Variants in KLB observed in about 807,000 individuals in gnomAD.
The protein encoded by KLB is klotho beta.
In KLB, 44 loss-of-function variants were observed where a neutral mutation model predicts 88.4. The observed-to-expected ratio is 0.50, with a 90% CI of 0.39 to 0.64. The LOEUF is 0.64. Ranked by LOEUF, KLB falls within the 30% of genes least tolerant of loss-of-function variation. The probability of loss-of-function intolerance (pLI) is 0.00; values close to 1 mark genes in which losing one functional copy is unlikely to be tolerated. For synonymous variants in KLB, 548 were observed against 513.4 expected (o/e 1.07, Z -0.91); for missense variants, 1,137 against 1,304.8 (o/e 0.87, Z 1.98).
intron 3 of KLB, among the ~76,000 whole-genome samples, chr4:39,444,540 G>T (rs1385795845): frequency 6.6e-6 from 1 of 152,178 alleles, no homozygotes; most frequent in African/African-American, 2.4e-5. Context: ...GGGAGCTGGG[G>T]TTGGGATTGG....
chr4:39,412,074 G>A (rs188099501), intron 1 of KLB: 68 of 152,016 alleles, frequency 4.5e-4, no homozygotes, highest in African/African-American at 1.6e-3. Flanking sequence ...GGGAAGCTGG[G>A]AGAGGAGTAA....
chr4:39,440,643 C>T (rs142924727), intron 3 of KLB, among the ~76,000 whole-genome samples: 111 of 151,820 alleles, frequency 7.3e-4, no homozygotes, highest in African/African-American at 2.5e-3. Flanking sequence ...CTGCAACCTC[C>T]GCCTCCCGTG....
chr4:39,446,558 ACCTGTCCGC>A lies in KLB; in HGVS notation c.1833_1841del (p.Asn611_Ala614delinsLys). 1 of 1,614,126 alleles carries A rather than the reference ACCTGTCCGC, an allele frequency of 6.2e-7. No individual in the cohort carries two copies. Among genetic ancestry groups the A allele is most frequent in the Non-Finnish European group, 8.5e-7 (1 of 1,180,012 alleles). ...TGGGCCTCGGTCCTTCCCACTGGCA[ACCTGTCCGC>A]GGTGAACCGACAGGCCCTGAGGTAC... is the stretch of plus-strand genomic sequence containing the variant. On this transcript the variant is annotated inframe_deletion, in exon 4 of 5. Coordinates refer to ENST00000257408, the MANE Select transcript of KLB (RefSeq NM_175737.4). The surrounding 1 kb of genome is among the most constrained non-coding windows in gnomAD (Gnocchi z 6.4).
chr4:39,434,112 C>T lies in KLB; in HGVS notation c.826-98C>T, dbSNP rs56155484. The T allele has an allele frequency of 1.4e-3, 1,571 of 1,143,220 alleles. 7 individuals carry two copies. The African/African-American group carries it at 0.014, about 10-fold the overall frequency. The allele number at this position is 1,143,220 out of a possible 1,614,324, so 70.8% of individuals were successfully genotyped here. A position where few individuals can be genotyped will look rare whatever the true frequency, so the allele number is the denominator to read the frequency against. Reference sequence around the variant, plus strand: ...GGCAGCTTTCCCCTGAATCACTGTACGCTGCATTAATTTTATCCATGAAAA... The same window carrying T: ...GGCAGCTTTCCCCTGAATCACTGTATGCTGCATTAATTTTATCCATGAAAA... On this transcript the variant is annotated intron_variant, in intron 1 of 4. Transcript: ENST00000257408.
At chr4:39,439,541 T>C (rs2687962) in intron 3 of KLB, among the ~76,000 whole-genome samples, 126,885 of 151,892 alleles carry the variant, frequency 0.84, 53,229 homozygotes, top group Non-Finnish European at 0.87. Flanking sequence ...TTTTGGCTCA[T>C]TGTAACCTCT....
chr4:39,434,344 A>G lies in KLB; in HGVS notation c.960A>G (p.Gln320=). The change falls in exon 2 of 5, where the codon CAA becomes CAG. Residue 320 remains glutamine (Q), a synonymous_variant. Coordinates refer to ENST00000257408, the MANE Select transcript of KLB (RefSeq NM_175737.4). ...SENTMDIFKC[Q]QSMVSVLGWF... is the part of the protein sequence containing the mutation. Reference sequence around the variant, plus strand: ...ACACGATGGATATATTCAAATGTCAACAATCCATGGTTTCTGTGCTTGGAT... The same window carrying G: ...ACACGATGGATATATTCAAATGTCAGCAATCCATGGTTTCTGTGCTTGGAT... The G allele has an allele frequency of 6.2e-7, 1 of 1,614,216 alleles. No individual in the cohort carries two copies. The highest frequency in any genetic ancestry group is 1.1e-5 in the South Asian group (1 of 91,076).
Position 39,407,301 on chromosome 4 carries a change from C to T in KLB, c.352C>T (p.Leu118Phe). The T allele has an allele frequency of 6.2e-7, 1 of 1,614,046 alleles. No homozygotes were observed. The highest frequency in any genetic ancestry group is 8.5e-7 in the Non-Finnish European group (1 of 1,179,928). The change falls in exon 1 of 5, where the codon CTT becomes TTT. Residue 118 changes from leucine (L) to phenylalanine (F), a missense_variant. Coordinates refer to ENST00000257408, the MANE Select transcript of KLB (RefSeq NM_175737.4). ...ATGGGATCATTTCATCCACACACAC[C>T]TTAAAAATGTCAGCAGCACGAATGG... ...SIWDHFIHTH[L>F]KNVSSTNGSS...
intron 1 of KLB, among the ~76,000 whole-genome samples, chr4:39,414,245 C>A (rs1179354548): frequency 6.6e-6 from 1 of 151,776 alleles, no homozygotes; most frequent in Non-Finnish European, 1.5e-5. Context: ...GAGATCTTCA[C>A]CAGATCTGTA....
intron 3 of KLB, among the ~76,000 whole-genome samples, chr4:39,440,097 C>T (rs1743567761): frequency 6.6e-6 from 1 of 152,016 alleles, no homozygotes. Flanking sequence ...AGCCACCATG[C>T]CCGCTTTTTG....
Position 39,407,443 on chromosome 4 carries a change from C to G in KLB, c.494C>G (p.Thr165Arg), listed in dbSNP as rs1410699507. The change falls in exon 1 of 5, where the codon ACA becomes AGA. Residue 165 changes from threonine (T) to arginine (R), a missense_variant. Physicochemically the swap from Thr to Arg is moderately conservative, Grantham distance 71. Transcript: ENST00000257408. ...AGGCTTTTCCCCGATGGAATAGTAA[C>G]AGTTGCCAACGCAAAAGGTCTGCAG... ...WPRLFPDGIV[T>R]VANAKGLQYY... is the part of the protein sequence containing the mutation. The G allele has an allele frequency of 6.2e-7, 1 of 1,614,146 alleles. No homozygotes were observed. The highest frequency in any genetic ancestry group is 1.7e-5 in the Admixed American group (1 of 60,012).
rs373536516 is a variant in KLB at position 39,407,188 on chromosome 4, C to T, written c.239C>T (p.Thr80Ile). The change falls in exon 1 of 5, where the codon ACT (threonine) becomes ATT (isoleucine). Residue 80 changes from threonine to isoleucine, a missense_variant. By Grantham distance (89) the Thr-to-Ile change is moderately conservative. Around this residue, in one of 4 missense-constraint regions of KLB, gnomAD observed 111 missense variants for 118.3 expected, o/e 0.94. Coordinates refer to ENST00000257408, the MANE Select transcript of KLB (RefSeq NM_175737.4). ...VNESQLFLYD[T>I]FPKNFFWGIG... ...GAAAGTCAGCTGTTTCTCTATGACA[C>T]TTTCCCTAAAAACTTTTTCTGGGGT... 4 of 1,613,956 alleles carry T rather than the reference C, an allele frequency of 2.5e-6. No individual in the cohort carries two copies. In the African/African-American group the frequency reaches 5.3e-5, roughly 22 times the overall value.
chr4:39,448,451 T>C lies in KLB; in HGVS notation c.2900T>C (p.Phe967Ser). ...FYNKVISSRGFPFENSSSRCS... is the reference protein window; with the variant it reads ...FYNKVISSRGSPFENSSSRCS... ...AACAAAGTGATCAGCAGCAGGGGCT[T>C]CCCTTTTGAGAACAGTAGTTCTAGA... The change falls in exon 5 of 5, where the codon TTC (phenylalanine) becomes TCC (serine). Residue 967 changes from phenylalanine to serine, a missense_variant. This residue lies in a region of KLB where 426 missense variants were observed against 404.6 expected (regional missense o/e 1.05). Transcript: ENST00000257408. The C allele has an allele frequency of 6.2e-7, 1 of 1,614,146 alleles. No homozygotes were observed. Among genetic ancestry groups the C allele is most frequent in the African/African-American group, 1.3e-5 (1 of 75,048 alleles).
At chr4:39,425,465 T>C (rs2109828749) in intron 1 of KLB, among the ~76,000 whole-genome samples, 1 of 152,336 alleles carries the variant, frequency 6.6e-6, no homozygotes, top group African/African-American at 2.4e-5. Context: ...GGCCTTGCTC[T>C]GTCACCCGGG....
chr4:39,445,057 T>C (rs982751868), intron 3 of KLB, among the ~76,000 whole-genome samples: 1 of 152,216 alleles, frequency 6.6e-6, no homozygotes, highest in Non-Finnish European at 1.5e-5. Context: ...TTTGGGAATG[T>C]TTTTCTTAAG....
chr4:39,447,367 G>A lies in KLB; in HGVS notation c.2641G>A (p.Gly881Ser), dbSNP rs2109846785. 1.9e-6 allele frequency: 3 copies of A among 1,613,948 alleles called. No homozygotes were observed. Among genetic ancestry groups the A allele is most frequent in the East Asian group, 2.2e-5 (1 of 44,890 alleles). Residue 881 changes from glycine (G) to serine (S), a missense_variant, in exon 4 of 5, where the codon GGC (glycine) becomes AGC (serine). This residue lies in a region of KLB where 426 missense variants were observed against 404.6 expected (regional missense o/e 1.05). Coordinates refer to ENST00000257408, the MANE Select transcript of KLB (RefSeq NM_175737.4). The part of the protein sequence containing the change: ...KLLRWVRRNY[G>S]DMDIYITASG... ...GCTGCGGTGGGTCCGGAGGAACTAC[G>A]GCGACATGGACATTTACATCACCGC...
In KLB at chr4:39,428,868, C is replaced by T. The variant is rs1010593101; in HGVS notation, c.826-5342C>T. On this transcript the variant is annotated intron_variant, in intron 1 of 4. Coordinates refer to ENST00000257408, the MANE Select transcript of KLB (RefSeq NM_175737.4). ...GACTACAGGTGCCCGCCACCATGAC[C>T]GGCTAATTTTTGTATTTTTAGTAGA... Among the ~76,000 whole-genome samples the T allele has an allele frequency of 3.3e-5, 5 of 152,132 alleles. 1 individual carries two copies. Among genetic ancestry groups the T allele is most frequent in the African/African-American group, 4.8e-5 (2 of 41,496 alleles).
At chr4:39,437,039 A>G (rs553995861) in intron 2 of KLB, among the ~76,000 whole-genome samples, 2 of 152,272 alleles carry the variant, frequency 1.3e-5, no homozygotes, top group African/African-American at 2.4e-5. Flanking sequence ...TTTTTACACA[A>G]TTCCTACAAG....
At position 39,434,409 on chromosome 4, in the gene KLB, AGGGGAT is replaced by A. The variant is rs746390009; in HGVS notation, c.1027_1032del (p.Gly343_Met344del). 3 of 1,614,186 alleles carry A rather than the reference AGGGGAT, an allele frequency of 1.9e-6. No homozygotes were observed. Among genetic ancestry groups the A allele is most frequent in the Non-Finnish European group, 1.7e-6 (2 of 1,180,016 alleles). ...ATCCATGGGGATGGCGACTATCCAG[AGGGGAT>A]GAGAAAGAAGTTGTTCTCCGTTCTA... On this transcript the variant is annotated inframe_deletion, in exon 2 of 5. Coordinates refer to ENST00000257408, the MANE Select transcript of KLB (RefSeq NM_175737.4).
chr4:39,440,829 A>T (rs1392950715), intron 3 of KLB, among the ~76,000 whole-genome samples: 2 of 152,092 alleles, frequency 1.3e-5, no homozygotes, highest in Non-Finnish European at 2.9e-5. Flanking sequence ...AAGTGCTAGG[A>T]TTACAGGTGT....
Sources: gnomAD v4.1 joint callset for allele counts (sites outside exome capture counted in the v4.1 genomes callset) on GRCh38, gnomAD v4.1.1 for gene constraint, gnomAD v4.1.1 regional missense constraint, Gnocchi (gnomAD v3.1) non-coding constraint, MANE v1.5 for transcripts, NCBI Gene and HGNC (gene_info 2026-07-23, HGNC 2026-07-21) for gene names.